Variants in TRIM64C observed in about 807,000 individuals in gnomAD.
TRIM64C encodes tripartite motif-containing protein 64C.
TRIM64C carries 25 observed loss-of-function variants against 36.1 expected under a neutral mutation model. The observed-to-expected ratio is 0.69, with a 90% CI of 0.51 to 0.97. The LOEUF (loss-of-function observed/expected upper bound fraction) is 0.97, where lower values mean the gene tolerates loss of function less well. Ranked by LOEUF, TRIM64C falls within the 50% of genes least tolerant of loss-of-function variation. TRIM64C has a pLI of 0.00. For synonymous variants in TRIM64C, 212 were observed against 185.7 expected (o/e 1.14, Z -1.15); for missense variants, 489 against 536.8 (o/e 0.91, Z 0.88).
At chr11:49,057,949 A>G (rs1371555988) in intron 2 of TRIM64C, 129 bp downstream of exon 2, 19 of 652,564 alleles carry the variant, frequency 2.9e-5, no homozygotes, top group Middle Eastern at 4.5e-4. Context: ...TATTATATCA[A>G]TTGAAATCAC....
Position 49,054,095 on chromosome 11 carries a change from T to C in TRIM64C, c.972A>G (p.Gly324=), listed in dbSNP as rs1475770058. 1 of 1,551,570 alleles carries C rather than the reference T, an allele frequency of 6.4e-7. No individual in the cohort carries two copies. Among genetic ancestry groups the C allele is most frequent in the Admixed American group, 2.0e-5 (1 of 50,988 alleles). ...CACACCACACAGCAAAGCTCTCCACTCCTTGGGGATCCATGGGTGCACTGC... is the reference window on the plus strand; with the variant it reads ...CACACCACACAGCAAAGCTCTCCACCCCTTGGGGATCCATGGGTGCACTGC... ...DHRSAPMDPQ[G]VESFAVWCAQ... Residue 324 remains glycine, a synonymous_variant, in exon 6 of 6, where the codon GGA becomes GGG. Coordinates refer to ENST00000617704, the MANE Select transcript of TRIM64C (RefSeq NM_001206631.1).
At chr11:49,058,244 G>A (rs1165737609) in intron 1 of TRIM64C, 72 bp from the exon 2 acceptor site, 7 of 1,064,410 alleles carry the variant, frequency 6.6e-6, no homozygotes, top group Non-Finnish European at 9.3e-6. Flanking sequence ...TAAAAAAAAG[G>A]CCGTAATTGA....
Position 49,054,132 on chromosome 11 carries a change from C to T in TRIM64C, c.935G>A (p.Gly312Glu). Reference sequence around the variant, plus strand: ...CATGGGTGCACTGCGATGGTCATCTCCAAATATCACACGTCTCACATCCTC... The same window carrying T: ...CATGGGTGCACTGCGATGGTCATCTTCAAATATCACACGTCTCACATCCTC... ...LSEDVRRVIFGDDHRSAPMDP... is the reference protein window; with the variant it reads ...LSEDVRRVIFEDDHRSAPMDP... The change falls in exon 6 of 6, where the codon GGA (glycine) becomes GAA (glutamate). Residue 312 changes from glycine to glutamate, a missense_variant. Coordinates refer to ENST00000617704, the MANE Select transcript of TRIM64C (RefSeq NM_001206631.1). The T allele has an allele frequency of 6.4e-7, 1 of 1,551,552 alleles. No individual in the cohort carries two copies. The highest frequency in any genetic ancestry group is 8.7e-7 in the Non-Finnish European group (1 of 1,146,846).
Position 49,059,068 on chromosome 11 carries a change from G to C in TRIM64C, c.45C>G (p.Cys15Trp). The stretch of plus-strand genomic sequence containing the variant: ...CTATGAAGTAGTTCACGCAAATGCA[G>C]CAAATGAGCTCATTCTGGAAGACTC... Reference protein sequence around the residue: ...TLRVFQNELICCICVNYFIDP... With the variant: ...TLRVFQNELIWCICVNYFIDP... The change falls in exon 1 of 6, where the codon TGC becomes TGG. Residue 15 changes from cysteine to tryptophan, a missense_variant. Physicochemically the swap from Cys to Trp is radical, Grantham distance 215. Transcript: ENST00000617704. The C allele has an allele frequency of 2.6e-6, 4 of 1,551,706 alleles. No individual in the cohort carries two copies. The highest frequency in any genetic ancestry group is 3.5e-6 in the Non-Finnish European group (4 of 1,147,348).
intron 1 of TRIM64C, among the ~76,000 whole-genome samples, chr11:49,058,470 C>T (rs866070376): frequency 2.0e-5 from 3 of 151,832 alleles, no homozygotes; most frequent in Non-Finnish European, 4.4e-5. Context: ...CAGCTCCATC[C>T]TATATGTTTG....
chr11:49,055,475 A>G lies in TRIM64C; in HGVS notation c.762-68T>C, dbSNP rs184258299. 1.3e-4 allele frequency: 204 copies of G among 1,513,392 alleles called. No homozygotes were observed. The African/African-American group carries it at 2.6e-3, about 19-fold the overall frequency. The allele number at this position is 1,513,392 out of a possible 1,614,324, so 93.7% of individuals were successfully genotyped here. On this transcript the variant is annotated intron_variant, in intron 4 of 5. Transcript: ENST00000617704. ...GCTAATCACACAGTCATATGAAGAT[A>G]TCATATTTTCATATAAGATGTTTCC...
At chr11:49,054,306 G>GA (rs1199711720) in intron 5 of TRIM64C, 99 bp from the exon 6 acceptor site, 14 of 1,376,254 alleles carry the variant, frequency 1.0e-5, no homozygotes, top group Non-Finnish European at 1.3e-5. Context: ...AGGAAATACA[G>GA]AAAAAAGGAA....
In TRIM64C at chr11:49,057,179, G is replaced by A; in HGVS notation, c.707C>T (p.Thr236Ile). 1 of 1,549,448 alleles carries A rather than the reference G, an allele frequency of 6.5e-7. No homozygotes were observed. The highest frequency in any genetic ancestry group is 1.2e-5 in the South Asian group (1 of 83,962). Residue 236 changes from threonine to isoleucine, a missense_variant, in exon 3 of 6, where the codon ACA (threonine) becomes ATA (isoleucine). Transcript: ENST00000617704. ...MKDMYRELWETYHMPDVELLQ... is the reference protein window; with the variant it reads ...MKDMYRELWEIYHMPDVELLQ... ...CAGCTCCACGTCAGGCATGTGGTAT[G>A]TCTCCCACAGCTCTCTGTACATGTC... is the stretch of plus-strand genomic sequence containing the variant.
At position 49,058,873 on chromosome 11, in the gene TRIM64C, G is replaced by A. The variant is rs758120580; in HGVS notation, c.240C>T (p.Thr80=). The change falls in exon 1 of 6, where the codon ACC becomes ACT. Residue 80 remains threonine (T), a synonymous_variant. Transcript: ENST00000617704. ...LKKLASLARQ[T]RPQNINSSDN... ...CTGAGCTGTTGATGTTCTGAGGTCT[G>A]GTCTGTCTGGCTAGGGAAGCCAGCT... The A allele has an allele frequency of 6.5e-7, 1 of 1,549,270 alleles. No homozygotes were observed. The highest frequency in any genetic ancestry group is 8.7e-7 in the Non-Finnish European group (1 of 1,146,232).
chr11:49,056,965 A>G (rs1431442897), intron 3 of TRIM64C, among the ~76,000 whole-genome samples, 183 bp downstream of exon 3: 1 of 151,964 alleles, frequency 6.6e-6, no homozygotes, highest in Non-Finnish European at 1.5e-5. Context: ...CTAAAATGGC[A>G]AAAATTTCCC....
rs1324201895 is a variant in TRIM64C, at chr11:49,058,952, A to G, written c.161T>C (p.Leu54Ser). ...GGGCTTCTCTGAGATTTTTCTGCACAAAGGGCAGCGCATTGGTGCTCTGCC... is the reference window on the plus strand; with the variant it reads ...GGGCTTCTCTGAGATTTTTCTGCACGAAGGGCAGCGCATTGGTGCTCTGCC... ...EEGRAPMRCPLCRKISEKPNF... is the reference protein window; with the variant it reads ...EEGRAPMRCPSCRKISEKPNF... The change falls in exon 1 of 6, where the codon TTG becomes TCG. Residue 54 changes from leucine to serine, a missense_variant. By Grantham distance (145) the Leu-to-Ser change is moderately radical. Transcript: ENST00000617704. 16 of 1,551,406 alleles carry G rather than the reference A, an allele frequency of 1.0e-5. No homozygotes were observed. The highest frequency in any genetic ancestry group is 1.4e-5 in the Non-Finnish European group (16 of 1,146,912).
intron 3 of TRIM64C, 124 bp downstream of exon 3, chr11:49,057,024 T>C: frequency 7.7e-7 from 1 of 1,293,712 alleles, no homozygotes; most frequent in Non-Finnish European, 1.1e-6. Context: ...AATGTAATGG[T>C]GGAAGTCACA....
chr11:49,055,211 A>G, intron 5 of TRIM64C, 99 bp downstream of exon 5: 1 of 1,439,820 alleles, frequency 6.9e-7, no homozygotes. Flanking sequence ...TGTATTACCT[A>G]CATGTCAAAA....
At chr11:49,057,054 T>G in intron 3 of TRIM64C, 94 bp downstream of exon 3, 7 of 1,411,650 alleles carry the variant, frequency 5.0e-6, no homozygotes, top group Non-Finnish European at 5.8e-6. Flanking sequence ...TCACTTAGCT[T>G]AGAGCAGTGA....
rs1252117241 is a variant in TRIM64C, at chr11:49,058,773, A to G, written c.340T>C (p.Cys114Arg). The change falls in exon 1 of 6, where the codon TGC becomes CGC. Residue 114 changes from cysteine to arginine, a missense_variant. Physicochemically the swap from Cys to Arg is radical, Grantham distance 180. Coordinates refer to ENST00000617704, the MANE Select transcript of TRIM64C (RefSeq NM_001206631.1). ...EADKRLLCGP[C>R]SESPEHMAHS... is the part of the protein sequence containing the mutation. ...GCCATGTGCTCTGGTGACTCAGAGC[A>G]GGGCCCACAGAGCAATCTCTTGTCA... The G allele has an allele frequency of 6.5e-7, 1 of 1,548,552 alleles. No individual in the cohort carries two copies. The highest frequency in any genetic ancestry group is 1.4e-5 in the African/African-American group (1 of 72,598).
At chr11:49,057,514 A>G (rs759985534) in intron 2 of TRIM64C, 136 bp from the exon 3 acceptor site, 7 of 908,638 alleles carry the variant, frequency 7.7e-6, no homozygotes, top group South Asian at 1.7e-5. Flanking sequence ...AATATTTGCT[A>G]TCTTTTTCTG....
chr11:49,056,448 C>G, intron 3 of TRIM64C, 67 bp from the exon 4 acceptor site: 1 of 1,281,604 alleles, frequency 7.8e-7, no homozygotes, highest in South Asian at 1.3e-5. Context: ...TTCTCATACT[C>G]TTGTTTCTTT....
rs1475193562 is a variant in TRIM64C at position 49,058,266 on chromosome 11, A to G, written c.413-94T>C. 4 of 916,802 alleles carry G rather than the reference A, an allele frequency of 4.4e-6. No individual in the cohort carries two copies. The East Asian group carries it at 8.2e-5, about 19-fold the overall frequency. 56.8% of individuals were successfully genotyped at this position (916,802 alleles called of 1,614,324 possible). On this transcript the variant is annotated intron_variant, in intron 1 of 5. Transcript: ENST00000617704. ...AAGGCCGTAATTGAAAGAAACATAA[A>G]TTAAGTTAGAGTGGAGTGGTCAGAT...
At chr11:49,057,493 A>G (rs1854827331) in intron 2 of TRIM64C, 115 bp from the exon 3 acceptor site, 7 of 1,066,792 alleles carry the variant, frequency 6.6e-6, no homozygotes, top group Admixed American at 4.5e-5. Flanking sequence ...TCACTCTTGC[A>G]AAGAGTCTTG....
Sources: gnomAD v4.1 joint callset for allele counts (sites outside exome capture counted in the v4.1 genomes callset) on GRCh38, gnomAD v4.1.1 for gene constraint, MANE v1.5 for transcripts, NCBI Gene and HGNC (gene_info 2026-07-23, HGNC 2026-07-21) for gene names.